CCT3: variants seen among roughly 807,000 people sequenced by gnomAD.
CCT3 encodes T-complex protein 1 subunit gamma.
A neutral mutation model predicts 65.3 loss-of-function variants in CCT3; 10 were observed. That is an observed-to-expected ratio of 0.15 (90% CI 0.09 to 0.26). The LOEUF (loss-of-function observed/expected upper bound fraction) is 0.26. Among genes scored for constraint, CCT3 ranks in the 10% least tolerant of loss-of-function variants. The pLI, the probability that CCT3 is intolerant of heterozygous loss-of-function variation, is 1.00. For synonymous variants in CCT3, 225 were observed against 242.3 expected (o/e 0.93, Z 0.66); for missense variants, 626 against 708.7 (o/e 0.88, Z 1.33).
At chr1:156,330,911 A>C (rs1442185058) in intron 5 of CCT3, among the ~76,000 whole-genome samples, 1 of 151,420 alleles carries the variant, frequency 6.6e-6, no homozygotes, top group East Asian at 1.9e-4. Context: ...CTCAAAGATA[A>C]ATAAATAAAT....
intron 4 of CCT3, among the ~76,000 whole-genome samples, chr1:156,334,287 T>A (rs1389313089): frequency 6.6e-6 from 1 of 151,184 alleles, no homozygotes; most frequent in Non-Finnish European, 1.5e-5. Flanking sequence ...TCCCAGAACC[T>A]GTGAATTTTA....
chr1:156,318,559 C>T (rs1664408360), intron 8 of CCT3, among the ~76,000 whole-genome samples: 1 of 152,126 alleles, frequency 6.6e-6, no homozygotes, highest in Non-Finnish European at 1.5e-5. Context: ...TTAACTCCTA[C>T]CTTATGTTCC....
intron 2 of CCT3, chr1:156,335,604 A>C (rs1011361088): frequency 4.0e-6 from 2 of 497,660 alleles, no homozygotes; most frequent in African/African-American, 3.9e-5. Flanking sequence ...ACAGCAACAG[A>C]ATAATGCACA....
rs752983069 is a variant in CCT3 at position 156,334,789 on chromosome 1, A to G, written c.145-14T>C. The G allele has an allele frequency of 1.2e-5, 20 of 1,614,018 alleles. No individual in the cohort carries two copies. The South Asian group carries it at 2.1e-4, about 17-fold the overall frequency. On this transcript the variant is annotated splice_polypyrimidine_tract_variant and intron_variant, in intron 3 of 13. Transcript: ENST00000295688. ...GTCCAAAAGCATCTAAGATGAAAGC[A>G]AAAGTTATATTTAAAGTGTCCTAGA...
intron 10 of CCT3, among the ~76,000 whole-genome samples, chr1:156,313,425 A>G (rs1043890442): frequency 6.6e-6 from 1 of 151,996 alleles, no homozygotes; most frequent in Non-Finnish European, 1.5e-5. Context: ...TACAATTTTA[A>G]TGTATATGAA....
chr1:156,314,863 G>A (rs1364832282), intron 10 of CCT3, among the ~76,000 whole-genome samples: 2 of 152,204 alleles, frequency 1.3e-5, no homozygotes, highest in Admixed American at 6.5e-5. Flanking sequence ...CTGGCAGAAG[G>A]CTTCTGATTA....
chr1:156,309,031 T>C lies in CCT3; in HGVS notation c.*168A>G. On this transcript the variant is annotated 3_prime_UTR_variant, in exon 14 of 14. Coordinates refer to ENST00000295688, the MANE Select transcript of CCT3 (RefSeq NM_005998.5). ...TGGAAACCTTACAATAGAGAAGAAT[T>C]ACATGTCAGTGTCTTTTGGAAAACT... is the stretch of plus-strand genomic sequence containing the variant. The C allele has an allele frequency of 1.7e-6, 1 of 587,748 alleles. No individual in the cohort carries two copies. Among genetic ancestry groups the C allele is most frequent in the Non-Finnish European group, 3.0e-6 (1 of 328,574 alleles). 36.4% of individuals were successfully genotyped at this position (587,748 alleles called of 1,614,324 possible). A position where few individuals can be genotyped will look rare whatever the true frequency, so the allele number is the denominator to read the frequency against.
At position 156,317,406 on chromosome 1, in the gene CCT3, A is replaced by G; in HGVS notation, c.892+9T>C. The G allele has an allele frequency of 1.2e-6, 2 of 1,605,144 alleles. No homozygotes were observed. The highest frequency in any genetic ancestry group is 1.7e-6 in the Non-Finnish European group (2 of 1,173,032). Reference sequence around the variant, plus strand: ...CAAAGGTAGGCTGGAAAAAGTAACAAAGTCCCACCTGAGATGCCCTTTTCA... The same window carrying G: ...CAAAGGTAGGCTGGAAAAAGTAACAGAGTCCCACCTGAGATGCCCTTTTCA... On this transcript the variant is annotated intron_variant, in intron 9 of 13. Transcript: ENST00000295688.
Position 156,333,623 on chromosome 1 carries a change from C to A in CCT3, c.228G>T (p.Ala76=). 4 of 1,613,924 alleles carry A rather than the reference C, an allele frequency of 2.5e-6. No homozygotes were observed. Among genetic ancestry groups the A allele is most frequent in the Non-Finnish European group, 3.4e-6 (4 of 1,179,866 alleles). The part of the protein sequence containing the change: ...ILREIQVQHP[A]AKSMIEISRT... ...GGCTAATTTCGATCATGGACTTGGC[C>A]GCTGGATGCTGGACTTGAATCTAAA... Residue 76 remains alanine, a synonymous_variant, in exon 5 of 14, where the codon GCG becomes GCT. Transcript: ENST00000295688.
At chr1:156,322,462 C>G (rs1264919962) in intron 6 of CCT3, among the ~76,000 whole-genome samples, 1 of 151,950 alleles carries the variant, frequency 6.6e-6, no homozygotes, top group Non-Finnish European at 1.5e-5. Flanking sequence ...CCACTGCACA[C>G]TCCAGCCTGG....
At chr1:156,323,032 C>T (rs891749248) in intron 6 of CCT3, among the ~76,000 whole-genome samples, 5 of 151,878 alleles carry the variant, frequency 3.3e-5, no homozygotes, top group Non-Finnish European at 7.4e-5. Flanking sequence ...TATGGCCAGG[C>T]GCGGTGGCTC....
rs1208074005 is a variant in CCT3 at position 156,320,985 on chromosome 1, T to C, written c.463A>G (p.Ile155Val). The C allele has an allele frequency of 1.2e-6, 2 of 1,614,088 alleles. No individual in the cohort carries two copies. Among genetic ancestry groups the C allele is most frequent in the South Asian group, 2.2e-5 (2 of 91,046 alleles). Residue 155 changes from isoleucine (I) to valine (V), a missense_variant, in exon 7 of 14, where the codon ATC becomes GTC. By Grantham distance (29) the Ile-to-Val change is conservative (BLOSUM62 3). Transcript: ENST00000295688. ...DISDSDMMLN[I>V]INSSITTKAI... is the part of the protein sequence containing the mutation. ...TTGGTAGTAATAGAGCTGTTGATGA[T>C]GTTCAGCATCATATCACTGTCACTG... is the stretch of plus-strand genomic sequence containing the variant.
At chr1:156,329,395 T>G (rs1665008711) in intron 5 of CCT3, among the ~76,000 whole-genome samples, 1 of 143,762 alleles carries the variant, frequency 7.0e-6, no homozygotes, top group Non-Finnish European at 1.5e-5. Flanking sequence ...AACCTCCACC[T>G]CTCAGGTTCA....
chr1:156,312,252 A>T, intron 10 of CCT3, 31 bp from the exon 11 acceptor site: 6 of 1,600,792 alleles, frequency 3.7e-6, no homozygotes, highest in Non-Finnish European at 5.1e-6. Context: ...GGAGAATCAG[A>T]TGATTTCAGA....
At chr1:156,327,814 C>G (rs931589906) in intron 5 of CCT3, among the ~76,000 whole-genome samples, 1 of 150,962 alleles carries the variant, frequency 6.6e-6, no homozygotes, top group Non-Finnish European at 1.5e-5. Context: ...AGCTTCTCTG[C>G]CCGGCCGCCA....
In CCT3 at chr1:156,311,112, G is replaced by A. The variant is rs770507150; in HGVS notation, c.1239C>T (p.Ala413=). ...LDPQLVPGGG[A]SEMAVAHALT... ...AGGCATGGGCCACAGCCATCTCGGAGGCCCCACCCCCTGGCACCAGCTGAG... is the reference window on the plus strand; with the variant it reads ...AGGCATGGGCCACAGCCATCTCGGAAGCCCCACCCCCTGGCACCAGCTGAG... The change falls in exon 12 of 14, where the codon GCC becomes GCT. Residue 413 remains alanine, a synonymous_variant. Coordinates refer to ENST00000295688, the MANE Select transcript of CCT3 (RefSeq NM_005998.5). 9 of 1,614,154 alleles carry A rather than the reference G, an allele frequency of 5.6e-6. No homozygotes were observed. The East Asian group carries it at 1.6e-4, about 28-fold the overall frequency.
chr1:156,333,791 C>T (rs766259787), intron 4 of CCT3, 148 bp from the exon 5 acceptor site: 2 of 595,056 alleles, frequency 3.4e-6, no homozygotes, highest in Non-Finnish European at 5.9e-6. Context: ...AAATTGGCAC[C>T]CCAAATAGCT....
Position 156,309,244 on chromosome 1 carries a change from A to G in CCT3, c.1593T>C (p.Asp531=). The change falls in exon 14 of 14, where the codon GAT becomes GAC. Residue 531 remains aspartate, a synonymous_variant. Coordinates refer to ENST00000295688, the MANE Select transcript of CCT3 (RefSeq NM_005998.5). Reference sequence around the variant, plus strand: ...GAGCCCCGCCTTGCCGGCTCTGGTCATCGCCTTTCTTTTTGTGGCCTGAAA... The same window carrying G: ...GAGCCCCGCCTTGCCGGCTCTGGTCGTCGCCTTTCTTTTTGTGGCCTGAAA... ...DIVSGHKKKG[D]DQSRQGGAPD... 6.2e-7 allele frequency: 1 copy of G among 1,614,064 alleles called. No homozygotes were observed. Among genetic ancestry groups the G allele is most frequent in the Non-Finnish European group, 8.5e-7 (1 of 1,179,978 alleles).
intron 8 of CCT3, among the ~76,000 whole-genome samples, chr1:156,318,386 A>G (rs561730710): frequency 2.6e-5 from 4 of 151,916 alleles, no homozygotes; most frequent in Non-Finnish European, 4.4e-5. Flanking sequence ...ACCACGCCCA[A>G]TTAATTTTTT....
Sources: gnomAD v4.1 joint callset for allele counts (sites outside exome capture counted in the v4.1 genomes callset) on GRCh38, gnomAD v4.1.1 for gene constraint, MANE v1.5 for transcripts, NCBI Gene and HGNC (gene_info 2026-07-23, HGNC 2026-07-21) for gene names.